PCDHGA2: variants seen among roughly 807,000 people sequenced by gnomAD.
PCDHGA2 encodes protocadherin gamma-A2.
In PCDHGA2, 40 loss-of-function variants were observed where a neutral mutation model predicts 59.2. The ratio of observed to expected loss-of-function variants is 0.68; its 90% CI spans 0.52 to 0.88. PCDHGA2 has a LOEUF of 0.88. Among genes scored for constraint, PCDHGA2 ranks in the 40% least tolerant of loss-of-function variants. PCDHGA2 has a pLI of 0.00. For synonymous variants in PCDHGA2, 560 were observed against 526.0 expected (o/e 1.06, Z -0.89); for missense variants, 1,226 against 1,204.0 (o/e 1.02, Z -0.27).
intron 1 of PCDHGA2, chr5:141,403,146 G>A (rs1400601984): frequency 1.9e-6 from 3 of 1,613,938 alleles, no homozygotes; most frequent in African/African-American, 2.7e-5. Flanking sequence ...CGCCGAGTCC[G>A]CATCGTCTCT....
Position 141,493,689 on chromosome 5 carries a change from C to A in PCDHGA2, c.2425-1118C>A, listed in dbSNP as rs2099749557. The stretch of plus-strand genomic sequence containing the variant: ...GGCAGCCCCAGAATGGTGCTGGTGA[C>A]TCCCGATACACCTGGAATGCTAGGT... On this transcript the variant is annotated intron_variant, in intron 1 of 3. Transcript: ENST00000394576. The surrounding 1 kb of genome is among the most constrained non-coding windows in gnomAD (Gnocchi z 4.3). Among the ~76,000 whole-genome samples the A allele has an allele frequency of 6.6e-6, 1 of 152,218 alleles. No homozygotes were observed. The highest frequency in any genetic ancestry group is 2.4e-5 in the African/African-American group (1 of 41,450).
chr5:141,486,083 C>T lies in PCDHGA2; in HGVS notation c.2425-8724C>T, dbSNP rs367657659. On this transcript the variant is annotated intron_variant, in intron 1 of 3. Coordinates refer to ENST00000394576, the MANE Select transcript of PCDHGA2 (RefSeq NM_018915.4). This position sits in a 1 kb window ranked among gnomAD's most constrained non-coding sequence, Gnocchi z 5.0. ...GCACCCCACTACTGGAAAGCTTACTCTTTTGGGGCCCCTAGACTTTGAGAG... is the reference window on the plus strand; with the variant it reads ...GCACCCCACTACTGGAAAGCTTACTTTTTTGGGGCCCCTAGACTTTGAGAG... The T allele has an allele frequency of 1.2e-6, 2 of 1,614,062 alleles. No individual in the cohort carries two copies. Among genetic ancestry groups the T allele is most frequent in the Non-Finnish European group, 1.7e-6 (2 of 1,180,040 alleles).
At chr5:141,344,067 G>C in intron 1 of PCDHGA2, 1 of 1,598,818 alleles carries the variant, frequency 6.3e-7, no homozygotes, top group Non-Finnish European at 8.5e-7. Flanking sequence ...AAATGGCAGA[G>C]GACTGGCCCT....
At chr5:141,478,498 G>A in intron 1 of PCDHGA2, 8 of 1,612,712 alleles carry the variant, frequency 5.0e-6, no homozygotes, top group South Asian at 1.1e-5. Context: ...GCTGTGATCC[G>A]GTGTTCTATA....
Position 141,393,204 on chromosome 5 carries a change from C to T in PCDHGA2, c.2424+51809C>T, listed in dbSNP as rs373432896. ...AATAATTGATATTAACGATAATAAC[C>T]CAAAATTCCAGGTCGAAGATCTAGA... On this transcript the variant is annotated intron_variant, in intron 1 of 3. Transcript: ENST00000394576. 7 of 1,613,342 alleles carry T rather than the reference C, an allele frequency of 4.3e-6. No homozygotes were observed. The African/African-American group carries it at 9.3e-5, about 22-fold the overall frequency.
Position 141,491,208 on chromosome 5 carries a change from C to A in PCDHGA2, c.2425-3599C>A. ...TGAGGGACAATGGTGACCCTTCACT[C>A]TCCTCCACAGCCACAGTGCTGCTGG... On this transcript the variant is annotated intron_variant, in intron 1 of 3. Coordinates refer to ENST00000394576, the MANE Select transcript of PCDHGA2 (RefSeq NM_018915.4). The surrounding 1 kb of genome is among the most constrained non-coding windows in gnomAD (Gnocchi z 6.9). The A allele has an allele frequency of 6.2e-7, 1 of 1,614,204 alleles. No homozygotes were observed. Among genetic ancestry groups the A allele is most frequent in the African/African-American group, 1.3e-5 (1 of 75,058 alleles).
At chr5:141,423,617 A>T (rs1426014397) in intron 1 of PCDHGA2, 3 of 1,608,486 alleles carry the variant, frequency 1.9e-6, no homozygotes, top group Admixed American at 1.7e-5. Flanking sequence ...ATAGCTGAAG[A>T]CTCAGCTATC....
chr5:141,397,271 T>C (rs552218945), intron 1 of PCDHGA2, among the ~76,000 whole-genome samples: 1 of 152,312 alleles, frequency 6.6e-6, no homozygotes, highest in East Asian at 1.9e-4. Context: ...AGCTACATCA[T>C]ATGGGCAGTA....
chr5:141,372,076 T>C (rs1768385368), intron 1 of PCDHGA2: 4 of 1,613,690 alleles, frequency 2.5e-6, no homozygotes, highest in Non-Finnish European at 2.5e-6. Context: ...AATGCACCGC[T>C]GGTGCTGTAC....
Position 141,489,595 on chromosome 5 carries a change from G to A in PCDHGA2, c.2425-5212G>A. The A allele has an allele frequency of 1.2e-6, 2 of 1,614,132 alleles. No individual in the cohort carries two copies. Among genetic ancestry groups the A allele is most frequent in the Non-Finnish European group, 1.7e-6 (2 of 1,180,004 alleles). On this transcript the variant is annotated intron_variant, in intron 1 of 3. Coordinates refer to ENST00000394576, the MANE Select transcript of PCDHGA2 (RefSeq NM_018915.4). The surrounding 1 kb of genome is among the most constrained non-coding windows in gnomAD (Gnocchi z 4.5). Reference sequence around the variant, plus strand: ...TGAACACCCCCTGGAGCTAATCCGTGTAGAGGTAGAGATCCTGGATCTCAA... The same window carrying A: ...TGAACACCCCCTGGAGCTAATCCGTATAGAGGTAGAGATCCTGGATCTCAA...
At chr5:141,507,442 C>T (rs748782097) in intron 3 of PCDHGA2, among the ~76,000 whole-genome samples, 1 of 152,162 alleles carries the variant, frequency 6.6e-6, no homozygotes, top group African/African-American at 2.4e-5. Flanking sequence ...CTACAGCTGA[C>T]GGAAGGACAG....
chr5:141,509,882 G>A (rs1374735632), intron 3 of PCDHGA2, among the ~76,000 whole-genome samples: 1 of 152,182 alleles, frequency 6.6e-6, no homozygotes. Context: ...GGTGGTGATG[G>A]TGACTGACTG....
rs781289120 is a variant in PCDHGA2 at position 141,431,571 on chromosome 5, A to G, written c.2425-63236A>G. ...GTAGTCAACGCTACCGACCCTGACG[A>G]AGGAGTCAATGCGGAAGTGAGGTAT... is the stretch of plus-strand genomic sequence containing the variant. On this transcript the variant is annotated intron_variant, in intron 1 of 3. Transcript: ENST00000394576. The surrounding 1 kb of genome is among the most constrained non-coding windows in gnomAD (Gnocchi z 4.8). 6.2e-7 allele frequency: 1 copy of G among 1,614,144 alleles called. No homozygotes were observed. The highest frequency in any genetic ancestry group is 2.2e-5 in the East Asian group (1 of 44,882).
intron 1 of PCDHGA2, among the ~76,000 whole-genome samples, chr5:141,444,106 G>A (rs2098417269): frequency 7.6e-6 from 1 of 131,112 alleles, no homozygotes; most frequent in South Asian, 2.6e-4. Flanking sequence ...TGGAAACCAA[G>A]AAAAGTGAAG....
Position 141,340,459 on chromosome 5 carries a change from T to G in PCDHGA2, c.1488T>G (p.Val496=). The part of the protein sequence containing the change: ...HVTYSFAEDT[V]QGAPLSSYIS... ...CTTACTCTTTCGCGGAGGACACTGT[T>G]CAGGGGGCACCCTTATCCTCTTACA... Residue 496 remains valine (V), a synonymous_variant, in exon 1 of 4, where the codon GTT becomes GTG. Transcript: ENST00000394576. 1 of 1,614,208 alleles carries G rather than the reference T, an allele frequency of 6.2e-7. No homozygotes were observed.
At chr5:141,415,740 G>GTTTTTTT (rs57426385) in intron 1 of PCDHGA2, 164 of 624,990 alleles carry the variant, frequency 2.6e-4, no homozygotes, top group African/African-American at 5.0e-4. Flanking sequence ...GTTTATTAAG[G>GTTTTTTT]TTTTTTTTTT....
chr5:141,433,993 T>C (rs1367687577), intron 1 of PCDHGA2, among the ~76,000 whole-genome samples: 1 of 152,216 alleles, frequency 6.6e-6, no homozygotes, highest in Admixed American at 6.5e-5. Flanking sequence ...GAGTTTTATA[T>C]TCTCTATATA....
At chr5:141,371,972 T>A in intron 1 of PCDHGA2, 1 of 1,613,166 alleles carries the variant, frequency 6.2e-7, no homozygotes, top group Non-Finnish European at 8.5e-7. Context: ...AGCAGCTGCG[T>A]GCCTTCGAGC....
At chr5:141,373,405 C>A (rs1435253016) in intron 1 of PCDHGA2, among the ~76,000 whole-genome samples, 1 of 152,208 alleles carries the variant, frequency 6.6e-6, no homozygotes, top group Non-Finnish European at 1.5e-5. Context: ...TGCCTGTAGT[C>A]CCAGCTACTC....
Sources: gnomAD v4.1 joint callset for allele counts (sites outside exome capture counted in the v4.1 genomes callset) on GRCh38, gnomAD v4.1.1 for gene constraint, Gnocchi (gnomAD v3.1) non-coding constraint, MANE v1.5 for transcripts, NCBI Gene and HGNC (gene_info 2026-07-23, HGNC 2026-07-21) for gene names.